Variants in CCDC192 observed in about 807,000 individuals in gnomAD.
The protein encoded by CCDC192 is coiled-coil domain-containing protein 192.
chr5:127,874,936 A>G (rs1443049742), intron 5 of CCDC192, among the ~76,000 whole-genome samples: 1 of 152,168 alleles, frequency 6.6e-6, no homozygotes, highest in African/African-American at 2.4e-5. Context: ...GATCTCATAA[A>G]TCAAATTATT....
chr5:127,740,827 G>T (rs1260949164), intron 2 of CCDC192, among the ~76,000 whole-genome samples: 1 of 152,062 alleles, frequency 6.6e-6, no homozygotes, highest in African/African-American at 2.4e-5. Context: ...AAGTCCTACA[G>T]GCATGTGCGT....
intron 2 of CCDC192, among the ~76,000 whole-genome samples, chr5:127,750,029 G>A (rs1028969859): frequency 1.4e-4 from 21 of 151,568 alleles, no homozygotes; most frequent in East Asian, 1.4e-3. Flanking sequence ...TCTTGCTAGC[G>A]GTCTATCAAT....
At chr5:127,797,527 G>A (rs992355256) in intron 4 of CCDC192, among the ~76,000 whole-genome samples, 6 of 151,566 alleles carry the variant, frequency 4.0e-5, no homozygotes, top group African/African-American at 1.5e-4. Context: ...ATGTCTCTTA[G>A]TTGTTAATGT....
At chr5:127,714,463 A>C (rs890405470) in intron 2 of CCDC192, among the ~76,000 whole-genome samples, 2 of 152,058 alleles carry the variant, frequency 1.3e-5, no homozygotes, top group African/African-American at 4.8e-5. Context: ...GTCTTGGCTC[A>C]CTGCAACCTC....
At chr5:127,875,690 C>G (rs931314788) in intron 6 of CCDC192, 29 bp downstream of exon 6, 2 of 398,762 alleles carry the variant, frequency 5.0e-6, no homozygotes, top group Non-Finnish European at 8.9e-6. Flanking sequence ...CAGATCCACA[C>G]TGGCCCGTCA....
intron 5 of CCDC192, among the ~76,000 whole-genome samples, chr5:127,837,615 A>G (rs1750083036): frequency 6.6e-6 from 1 of 152,222 alleles, no homozygotes; most frequent in Non-Finnish European, 1.5e-5. Flanking sequence ...ATTACACTTC[A>G]CTATGGCCAA....
At chr5:127,788,540 T>A (rs1388187454) in intron 3 of CCDC192, among the ~76,000 whole-genome samples, 1 of 152,194 alleles carries the variant, frequency 6.6e-6, no homozygotes, top group Non-Finnish European at 1.5e-5. Flanking sequence ...ATAAAGAACA[T>A]ACTTCTGCCA....
At chr5:127,920,216 T>C (rs1753668327) in intron 6 of CCDC192, among the ~76,000 whole-genome samples, 1 of 152,174 alleles carries the variant, frequency 6.6e-6, no homozygotes, top group African/African-American at 2.4e-5. Context: ...TTTTACCCAC[T>C]TGAGAGATTT....
chr5:127,816,321 C>T (rs933081182), intron 5 of CCDC192, among the ~76,000 whole-genome samples: 1 of 152,168 alleles, frequency 6.6e-6, no homozygotes, highest in African/African-American at 2.4e-5. Flanking sequence ...AGGAGGCAGA[C>T]AGAGATTTGC....
At chr5:127,810,473 G>A (rs1320000681) in intron 5 of CCDC192, among the ~76,000 whole-genome samples, 1 of 152,126 alleles carries the variant, frequency 6.6e-6, no homozygotes, top group African/African-American at 2.4e-5. Flanking sequence ...GCTAAAAAGG[G>A]TAGTCTAGCT....
At chr5:127,909,436 T>C (rs917777886) in intron 6 of CCDC192, among the ~76,000 whole-genome samples, 1 of 151,998 alleles carries the variant, frequency 6.6e-6, no homozygotes, top group Non-Finnish European at 1.5e-5. Flanking sequence ...TATTCCATAC[T>C]AGATTTAGAT....
chr5:127,889,599 A>G (rs1232155638), intron 6 of CCDC192, among the ~76,000 whole-genome samples: 1 of 152,068 alleles, frequency 6.6e-6, no homozygotes, highest in Non-Finnish European at 1.5e-5. Flanking sequence ...ATGAGGTTTT[A>G]CCATGTTGAC....
At chr5:127,931,749 T>C (rs767040637) in intron 6 of CCDC192, among the ~76,000 whole-genome samples, 57 of 152,234 alleles carry the variant, frequency 3.7e-4, no homozygotes, top group African/African-American at 1.4e-3. Context: ...TTAACAGAGA[T>C]TTCCCAGTGC....
intron 6 of CCDC192, among the ~76,000 whole-genome samples, chr5:127,886,874 A>T (rs936457222): frequency 6.6e-6 from 1 of 152,228 alleles, no homozygotes; most frequent in East Asian, 1.9e-4. Flanking sequence ...AAATGAAAGG[A>T]TGCAAAGAGA....
At chr5:127,863,543 G>T (rs148386134) in intron 5 of CCDC192, among the ~76,000 whole-genome samples, 9 of 152,310 alleles carry the variant, frequency 5.9e-5, no homozygotes, top group Non-Finnish European at 1.0e-4. Context: ...AGTTGCCAGA[G>T]GCTGGAAGGA....
chr5:127,887,713 T>G (rs1166443940), intron 6 of CCDC192, among the ~76,000 whole-genome samples: 1 of 151,836 alleles, frequency 6.6e-6, no homozygotes, highest in Non-Finnish European at 1.5e-5. Flanking sequence ...ACTATTTTTT[T>G]TTTTTTTTGA....
chr5:127,816,193 T>C (rs1174961494), intron 5 of CCDC192, among the ~76,000 whole-genome samples: 1 of 152,134 alleles, frequency 6.6e-6, no homozygotes. Flanking sequence ...AACATACTGT[T>C]GTGTGGATAA....
chr5:127,890,804 A>G (rs1303895310), intron 6 of CCDC192, among the ~76,000 whole-genome samples: 1 of 152,080 alleles, frequency 6.6e-6, no homozygotes, highest in Non-Finnish European at 1.5e-5. Flanking sequence ...TCTTATACTC[A>G]TATTCCCTGT....
chr5:127,912,748 G>A (rs577320912), intron 6 of CCDC192, among the ~76,000 whole-genome samples: 4 of 152,190 alleles, frequency 2.6e-5, no homozygotes, highest in Non-Finnish European at 5.9e-5. Context: ...TCTGCTATAG[G>A]TTCTTTCTTC....
Sources: allele counts gnomAD v4.1 joint callset (sites outside exome capture counted in the v4.1 genomes callset), GRCh38; gene constraint gnomAD v4.1.1; transcripts MANE v1.5; gene names NCBI Gene and HGNC (gene_info 2026-07-23, HGNC 2026-07-21).